Variants in ANKRD11 observed in about 807,000 individuals in gnomAD.
The protein encoded by ANKRD11 is ankyrin repeat domain 11.
A neutral mutation model predicts 195.7 loss-of-function variants in ANKRD11; 17 were observed. The observed-to-expected ratio is 0.09, with a 90% confidence interval of 0.06 to 0.13. The LOEUF (loss-of-function observed/expected upper bound fraction) is 0.13. Ranked by LOEUF, ANKRD11 falls within the 10% of genes least tolerant of loss-of-function variation. The pLI is 1.00. For missense variants in ANKRD11, 3,735 were observed against 3,566.1 expected, an observed-to-expected ratio of 1.05 and a Z score of -1.21; for synonymous variants, 1,953 against 1,528.1, an observed-to-expected ratio of 1.28 and a Z score of -6.49.
intron 2 of ANKRD11, among the ~76,000 whole-genome samples, chr16:89,370,066 G>C (rs2040127517): frequency 6.6e-6 from 1 of 152,202 alleles, no homozygotes; most frequent in Non-Finnish European, 1.5e-5. Flanking sequence ...TGGCTTCAGA[G>C]CTCTCACTGA....
chr16:89,269,329 G>C (rs933882643), intron 12 of ANKRD11, among the ~76,000 whole-genome samples: 1 of 152,140 alleles, frequency 6.6e-6, no homozygotes, highest in Non-Finnish European at 1.5e-5. Flanking sequence ...TTTTTGTAGA[G>C]ATGGGGTTTT....
intron 2 of ANKRD11, among the ~76,000 whole-genome samples, chr16:89,384,878 TC>T (rs376150310): frequency 1.4e-4 from 16 of 118,188 alleles, no homozygotes; most frequent in African/African-American, 5.5e-4. Context: ...GAAATAGTTT[TC>T]TTTTTTTTTT....
intron 2 of ANKRD11, among the ~76,000 whole-genome samples, chr16:89,396,234 G>A (rs946275157): frequency 6.6e-6 from 1 of 152,218 alleles, no homozygotes; most frequent in Non-Finnish European, 1.5e-5. Context: ...TTCTGATGTA[G>A]TAAAATCAAG....
chr16:89,322,417 G>C (rs2037382453), intron 2 of ANKRD11, among the ~76,000 whole-genome samples: 1 of 152,254 alleles, frequency 6.6e-6, no homozygotes, highest in African/African-American at 2.4e-5. Context: ...TTTGTGTAAT[G>C]ACCATTTAAA....
At position 89,305,316 on chromosome 16, in the gene ANKRD11, G is replaced by C; in HGVS notation, c.116C>G (p.Thr39Ser). The C allele has an allele frequency of 6.2e-7, 1 of 1,613,988 alleles. No homozygotes were observed. Among genetic ancestry groups the C allele is most frequent in the South Asian group, 1.1e-5 (1 of 91,088 alleles). The change falls in exon 4 of 13, where the codon ACC (threonine) becomes AGC (serine). Residue 39 changes from threonine (T) to serine (S), a missense_variant. Thr to Ser is a moderately conservative substitution (Grantham distance 58). Coordinates refer to ENST00000301030, the MANE Select transcript of ANKRD11 (RefSeq NM_013275.6). ...KDKDKVSLTK[T>S]PKLERGDGGK... ...GCCATCGCCACGCTCCAGTTTTGGG[G>C]TCTTGGTTAGAGAAACTTTATCTTT...
At chr16:89,303,637 T>G (rs1322582834) in intron 4 of ANKRD11, among the ~76,000 whole-genome samples, 1 of 152,170 alleles carries the variant, frequency 6.6e-6, no homozygotes, top group Non-Finnish European at 1.5e-5. Flanking sequence ...TCACTTCCCA[T>G]CTGGGAAAAC....
intron 3 of ANKRD11, among the ~76,000 whole-genome samples, chr16:89,310,141 G>A (rs1437331993): frequency 6.6e-6 from 1 of 152,242 alleles, no homozygotes; most frequent in African/African-American, 2.4e-5. Context: ...CTGCAGCACA[G>A]AGGTGCCATC....
chr16:89,294,496 C>T (rs749122035), intron 4 of ANKRD11, among the ~76,000 whole-genome samples: 4 of 152,190 alleles, frequency 2.6e-5, no homozygotes, highest in East Asian at 1.9e-4. Flanking sequence ...CAACACGCGC[C>T]AGACACCACC....
At chr16:89,402,636 T>G (rs1349406537) in intron 2 of ANKRD11, among the ~76,000 whole-genome samples, 13 of 36,550 alleles carry the variant, frequency 3.6e-4, no homozygotes, top group South Asian at 9.2e-4. Flanking sequence ...GAGCTGTGGG[T>G]GGGGGGGGCA....
At chr16:89,350,205 G>A (rs549856500) in intron 2 of ANKRD11, among the ~76,000 whole-genome samples, 1 of 152,352 alleles carries the variant, frequency 6.6e-6, no homozygotes, top group Non-Finnish European at 1.5e-5. Context: ...GGACAGAGCA[G>A]ATGGAATTCC....
chr16:89,408,047 T>C (rs2041979392), intron 2 of ANKRD11, among the ~76,000 whole-genome samples: 1 of 152,142 alleles, frequency 6.6e-6, no homozygotes, highest in Non-Finnish European at 1.5e-5. Flanking sequence ...GTAGTGCCCC[T>C]GCCCTCAAGC....
chr16:89,288,188 CCA>C, intron 7 of ANKRD11: 1 of 609,950 alleles, frequency 1.6e-6, no homozygotes, highest in Non-Finnish European at 2.9e-6. Flanking sequence ...TCTAACAGTC[CCA>C]CAGTGGTGAC....
At chr16:89,445,802 C>T (rs1254782422) in intron 1 of ANKRD11, among the ~76,000 whole-genome samples, 1 of 151,772 alleles carries the variant, frequency 6.6e-6, no homozygotes, top group Non-Finnish European at 1.5e-5. Context: ...TGGAGAAACC[C>T]CGTCTCTACT....
chr16:89,408,279 C>T (rs941518084), intron 2 of ANKRD11, among the ~76,000 whole-genome samples: 6 of 152,270 alleles, frequency 3.9e-5, no homozygotes, highest in Non-Finnish European at 1.5e-5. Context: ...AGTGGCAGCC[C>T]TTCCACATTC....
intron 11 of ANKRD11, chr16:89,271,428 T>C: frequency 4.5e-6 from 1 of 224,040 alleles, no homozygotes; most frequent in Non-Finnish European, 9.0e-6. Context: ...AGAGACGGGG[T>C]TTCTCCTGGG....
chr16:89,469,829 C>G (rs1054742596), intron 1 of ANKRD11, among the ~76,000 whole-genome samples: 1 of 53,108 alleles, frequency 1.9e-5, no homozygotes, highest in East Asian at 6.2e-4. Context: ...AACCCGGGAG[C>G]GGCAGTTGCA....
At chr16:89,349,861 A>AACACACACAC (rs34592614) in intron 2 of ANKRD11, among the ~76,000 whole-genome samples, 5 of 133,136 alleles carry the variant, frequency 3.8e-5, no homozygotes, top group East Asian at 4.3e-4. Context: ...TACTTGTTAA[A>AACACACACAC]ACACACACAC....
chr16:89,453,815 A>C (rs2056303307), intron 1 of ANKRD11, among the ~76,000 whole-genome samples: 1 of 152,170 alleles, frequency 6.6e-6, no homozygotes, highest in African/African-American at 2.4e-5. Context: ...ATGACTGGAG[A>C]CAGAACTTGT....
chr16:89,432,235 GTACA>G (rs760614546), intron 1 of ANKRD11, among the ~76,000 whole-genome samples: 2 of 95,130 alleles, frequency 2.1e-5, no homozygotes, highest in Non-Finnish European at 4.1e-5. Context: ...TCGTGATGCA[GTACA>G]CACACACACA....
Sources: allele counts gnomAD v4.1 joint callset (sites outside exome capture counted in the v4.1 genomes callset), GRCh38; gene constraint gnomAD v4.1.1; transcripts MANE v1.5; gene names NCBI Gene and HGNC (gene_info 2026-07-23, HGNC 2026-07-21).